MALRD1: variants seen among roughly 807,000 people sequenced by gnomAD.
The protein encoded by MALRD1 is MAM and LDL-receptor class A domain-containing protein 1.
A neutral mutation model predicts 242.1 loss-of-function variants in MALRD1; 247 were observed. That is an observed-to-expected ratio of 1.02 (90% CI 0.92 to 1.13). The LOEUF is 1.13. Among genes scored for constraint, MALRD1 ranks in the 50% most tolerant of loss-of-function variants. MALRD1 has a pLI of 0.00. For synonymous variants in MALRD1, 995 were observed against 866.6 expected (o/e 1.15, Z -2.60); for missense variants, 2,989 against 2,533.1 (o/e 1.18, Z -3.86).
chr10:19,592,755 ACACACACGCACG>A (rs1837874614), intron 33 of MALRD1, among the ~76,000 whole-genome samples: 1 of 119,376 alleles, frequency 8.4e-6, no homozygotes, highest in African/African-American at 2.9e-5. Flanking sequence ...ACACACACAC[ACACACACGCACG>A]CACACACACA....
At chr10:19,588,697 C>A (rs540611117) in intron 33 of MALRD1, among the ~76,000 whole-genome samples, 2 of 152,334 alleles carry the variant, frequency 1.3e-5, no homozygotes, top group African/African-American at 4.8e-5. Context: ...GGCTGGAATG[C>A]AATGGCGCAA....
chr10:19,137,508 A>C (rs2131415594), intron 10 of MALRD1, among the ~76,000 whole-genome samples: 1 of 147,612 alleles, frequency 6.8e-6, no homozygotes, highest in East Asian at 2.1e-4. Context: ...TGGGAGGCTG[A>C]GGTAGGAGAA....
intron 36 of MALRD1, among the ~76,000 whole-genome samples, chr10:19,620,915 C>A (rs1017326435): frequency 4.7e-5 from 7 of 150,354 alleles, no homozygotes; most frequent in African/African-American, 1.7e-4. Context: ...ATGTGTGCAA[C>A]AAGAACTATT....
At chr10:19,136,529 T>C (rs1833345975) in intron 9 of MALRD1, 45 bp from the exon 10 acceptor site, 4 of 1,102,492 alleles carry the variant, frequency 3.6e-6, no homozygotes, top group Non-Finnish European at 4.6e-6. Flanking sequence ...TTTTGTCTTA[T>C]TAAGGAGATT....
chr10:19,539,960 C>A (rs1425240175), intron 32 of MALRD1, among the ~76,000 whole-genome samples: 1 of 150,560 alleles, frequency 6.6e-6, no homozygotes, highest in Admixed American at 6.6e-5. Context: ...CCAGGCTGGT[C>A]TTGAACTCCT....
intron 29 of MALRD1, among the ~76,000 whole-genome samples, chr10:19,468,849 C>T (rs114370700): frequency 0.022 from 3,295 of 152,152 alleles, 108 homozygotes; most frequent in African/African-American, 0.076. Context: ...TACCCACAGC[C>T]CTCCATGACA....
chr10:19,174,613 A>G (rs1588653299), intron 13 of MALRD1, among the ~76,000 whole-genome samples: 1 of 152,088 alleles, frequency 6.6e-6, no homozygotes. Context: ...AAGAAAGAAA[A>G]CAAATTATAT....
chr10:19,067,924 T>C (rs1835029298), intron 2 of MALRD1, among the ~76,000 whole-genome samples: 1 of 152,138 alleles, frequency 6.6e-6, no homozygotes, highest in African/African-American at 2.4e-5. Context: ...AAATTACTTT[T>C]GTTTAGAATT....
intron 28 of MALRD1, among the ~76,000 whole-genome samples, chr10:19,428,281 C>T (rs1329328943): frequency 6.6e-6 from 1 of 151,872 alleles, no homozygotes; most frequent in East Asian, 1.9e-4. Flanking sequence ...GAAGCTCATG[C>T]ATAGGTTTAT....
At chr10:19,624,569 G>T (rs1839560414) in intron 36 of MALRD1, among the ~76,000 whole-genome samples, 1 of 151,982 alleles carries the variant, frequency 6.6e-6, no homozygotes, top group Non-Finnish European at 1.5e-5. Flanking sequence ...TAGCAGTTAA[G>T]ATGAGGAGCA....
At chr10:19,587,069 C>G (rs897104062) in intron 33 of MALRD1, among the ~76,000 whole-genome samples, 3 of 152,262 alleles carry the variant, frequency 2.0e-5, no homozygotes, top group Admixed American at 6.5e-5. Flanking sequence ...GAGGCAATGC[C>G]TCGCCCTGCT....
chr10:19,123,408 A>T lies in MALRD1; in HGVS notation c.695-84A>T, dbSNP rs960931114. The T allele has an allele frequency of 1.1e-5, 8 of 706,270 alleles. No homozygotes were observed. The East Asian group carries it at 2.4e-4, about 21-fold the overall frequency. The allele number at this position is 706,270 out of a possible 1,614,324, so 43.8% of individuals were successfully genotyped here. On this transcript the variant is annotated intron_variant, in intron 5 of 39. Coordinates refer to ENST00000454679, the MANE Select transcript of MALRD1 (RefSeq NM_001142308.3). ...AATTGGTTACAGAGTGCTTTGTAGA[A>T]TGAATATTAACATTAAAGCAAAATA...
chr10:19,114,953 A>T (rs969808993), intron 5 of MALRD1, among the ~76,000 whole-genome samples: 4 of 152,126 alleles, frequency 2.6e-5, no homozygotes, highest in Non-Finnish European at 5.9e-5. Context: ...GCCATATTGG[A>T]TTAGGGCCAC....
chr10:19,052,705 C>A (rs1444626535), intron 1 of MALRD1, among the ~76,000 whole-genome samples: 2 of 126,198 alleles, frequency 1.6e-5, no homozygotes, highest in Non-Finnish European at 3.8e-5. Context: ...TTTGCCTGCA[C>A]CCCTGGTTTC....
intron 21 of MALRD1, chr10:19,291,475 T>C (rs922329353): frequency 1.3e-5 from 2 of 151,766 alleles, no homozygotes; most frequent in African/African-American, 4.8e-5. Flanking sequence ...CCCAGGAAAT[T>C]GAGGTTGTAG....
intron 28 of MALRD1, among the ~76,000 whole-genome samples, chr10:19,391,564 T>C (rs1259000070): frequency 6.6e-6 from 1 of 152,220 alleles, no homozygotes; most frequent in Non-Finnish European, 1.5e-5. Context: ...ATTCGCTCCC[T>C]CTGGCTTGGC....
At chr10:19,573,101 G>A (rs1836642546) in intron 33 of MALRD1, among the ~76,000 whole-genome samples, 1 of 149,958 alleles carries the variant, frequency 6.7e-6, no homozygotes, top group Non-Finnish European at 1.5e-5. Flanking sequence ...TTTGCTTTCT[G>A]TCTCTCTTGT....
intron 5 of MALRD1, among the ~76,000 whole-genome samples, chr10:19,112,925 T>G (rs1836730169): frequency 6.6e-6 from 1 of 152,368 alleles, no homozygotes; most frequent in Non-Finnish European, 1.5e-5. Context: ...CTCAAAAAGT[T>G]AAGAGTAATT....
chr10:19,421,475 A>G (rs1376959035), intron 28 of MALRD1, among the ~76,000 whole-genome samples: 1 of 152,176 alleles, frequency 6.6e-6, no homozygotes, highest in African/African-American at 2.4e-5. Flanking sequence ...GCTGCAGTGA[A>G]GTAAGTATGA....
Sources: gnomAD v4.1 joint callset for allele counts (sites outside exome capture counted in the v4.1 genomes callset) on GRCh38, gnomAD v4.1.1 for gene constraint, MANE v1.5 for transcripts, NCBI Gene and HGNC (gene_info 2026-07-23, HGNC 2026-07-21) for gene names.